Variants in LIPC observed in about 807,000 individuals in gnomAD.
LIPC encodes the protein hepatic triacylglycerol lipase.
Under a neutral mutation model 50.7 loss-of-function variants are expected in LIPC, and 44 were observed. The observed-to-expected ratio is 0.87, with a 90% CI of 0.68 to 1.11. The LOEUF is 1.11. LIPC is among the 50% of genes most tolerant of loss of function. The pLI is 0.00. For synonymous variants in LIPC, 271 were observed against 256.4 expected (o/e 1.06, Z -0.54); for missense variants, 697 against 648.2 (o/e 1.08, Z -0.82).
intron 1 of LIPC, among the ~76,000 whole-genome samples, chr15:58,529,301 C>T (rs41292496): frequency 0.037 from 5,588 of 152,278 alleles, 353 homozygotes; most frequent in African/African-American, 0.13. Flanking sequence ...CCTCCCTGGC[C>T]TAACCGTGGT....
At chr15:58,553,706 C>T (rs1423243439) in intron 6 of LIPC, among the ~76,000 whole-genome samples, 3 of 152,164 alleles carry the variant, frequency 2.0e-5, no homozygotes, top group Admixed American at 6.5e-5. Context: ...ACGAAAATAC[C>T]GACACATACA....
chr15:58,469,530 A>G (rs1431622289), intron 1 of LIPC, among the ~76,000 whole-genome samples: 3 of 152,176 alleles, frequency 2.0e-5, no homozygotes, highest in African/African-American at 7.2e-5. Flanking sequence ...CAGCTTCCCA[A>G]AAACAGGCCA....
intron 2 of LIPC, 147 bp from the exon 3 acceptor site, chr15:58,541,638 A>C: frequency 3.7e-6 from 3 of 815,410 alleles, no homozygotes; most frequent in Non-Finnish European, 6.1e-6. Flanking sequence ...CACAACAAGG[A>C]ATTCTCTGGC....
At chr15:58,465,906 A>C (rs1382155684) in intron 1 of LIPC, among the ~76,000 whole-genome samples, 1 of 152,212 alleles carries the variant, frequency 6.6e-6, no homozygotes, top group Non-Finnish European at 1.5e-5. Context: ...TACCGTTTCT[A>C]ATTAATACAG....
intron 5 of LIPC, among the ~76,000 whole-genome samples, chr15:58,547,076 T>C (rs1205971443): frequency 1.3e-5 from 2 of 152,158 alleles, no homozygotes; most frequent in Non-Finnish European, 2.9e-5. Flanking sequence ...TTTATTTTCC[T>C]GGTAAACACA....
rs140620731 is a variant in LIPC at position 58,450,201 on chromosome 15, G to T, written c.88+18081G>T. ...CGTTTCTGAGCGTGGTGTGGAAACT[G>T]AGTCAGGAGCTAAATCAGTTAGGTC... On this transcript the variant is annotated intron_variant, in intron 1 of 8. Coordinates refer to ENST00000299022, the MANE Select transcript of LIPC (RefSeq NM_000236.3). Among the ~76,000 whole-genome samples, 27 of 152,330 alleles carry T rather than the reference G, an allele frequency of 1.8e-4. No homozygotes were observed. The East Asian group carries it at 4.2e-3, about 24-fold the overall frequency.
intron 1 of LIPC, among the ~76,000 whole-genome samples, chr15:58,503,409 G>C (rs1345803040): frequency 6.6e-6 from 1 of 152,182 alleles, no homozygotes; most frequent in Non-Finnish European, 1.5e-5. Flanking sequence ...TTTGTGAAAG[G>C]CTTTAGGGGC....
chr15:58,501,260 T>C (rs1200478677), intron 1 of LIPC, among the ~76,000 whole-genome samples: 1 of 151,922 alleles, frequency 6.6e-6, no homozygotes, highest in Non-Finnish European at 1.5e-5. Context: ...AGACTCTTTC[T>C]GGGAGGGATT....
intron 1 of LIPC, among the ~76,000 whole-genome samples, chr15:58,488,771 G>A (rs1247157272): frequency 2.0e-5 from 3 of 152,078 alleles, no homozygotes; most frequent in African/African-American, 7.2e-5. Flanking sequence ...TCTTCCCCTT[G>A]GTATTTCCCT....
intron 1 of LIPC, among the ~76,000 whole-genome samples, chr15:58,497,229 C>A (rs534114335): frequency 6.6e-6 from 1 of 152,132 alleles, no homozygotes; most frequent in Admixed American, 6.6e-5. Context: ...GCTTCACCCC[C>A]GACCGAATGA....
At chr15:58,475,308 G>T (rs1172867590) in intron 1 of LIPC, among the ~76,000 whole-genome samples, 1 of 152,120 alleles carries the variant, frequency 6.6e-6, no homozygotes, top group Non-Finnish European at 1.5e-5. Flanking sequence ...AGAGGCAAAG[G>T]TAATCATGTT....
chr15:58,526,605 A>G (rs545806157), intron 1 of LIPC, among the ~76,000 whole-genome samples: 43 of 152,362 alleles, frequency 2.8e-4, no homozygotes, highest in African/African-American at 1.0e-3. Context: ...CAGCTAAGGC[A>G]GTGTGCTACC....
At chr15:58,564,051 G>GTGC (rs1262705071) in intron 8 of LIPC, 20 of 407,316 alleles carry the variant, frequency 4.9e-5, no homozygotes, top group Non-Finnish European at 8.8e-5. Flanking sequence ...GGTGATGTCA[G>GTGC]TGCTGCCAGT....
rs529789946 is a variant in LIPC at position 58,444,905 on chromosome 15, T to C, written c.88+12785T>C. ...AGTGGAAACTGCAAATCTCTCTTTGTTCTATTTGAGCTTCAGCAACTCTCC... is the reference window on the plus strand; with the variant it reads ...AGTGGAAACTGCAAATCTCTCTTTGCTCTATTTGAGCTTCAGCAACTCTCC... On this transcript the variant is annotated intron_variant, in intron 1 of 8. Coordinates refer to ENST00000299022, the MANE Select transcript of LIPC (RefSeq NM_000236.3). Among the ~76,000 whole-genome samples, 4 of 152,364 alleles carry C rather than the reference T, an allele frequency of 2.6e-5. No individual in the cohort carries two copies. In the East Asian group the frequency reaches 5.8e-4, roughly 22 times the overall value.
rs3829462 is a variant in LIPC at position 58,560,880 on chromosome 15, C to A, written c.1068C>A (p.Phe356Leu). 1,186,931 of 1,222,610 alleles carry A rather than the reference C, an allele frequency of 0.97. 576,991 individuals carry two copies. The highest frequency in any genetic ancestry group is 0.99 in the Admixed American group (58,821 of 59,566). 75.7% of individuals were successfully genotyped at this position (1,222,610 alleles called of 1,614,324 possible). The stretch of plus-strand genomic sequence containing the variant: ...TCTCTCTAGTTTATCATTACCAGTT[C>A]AAGATCCAGTTCATCAACCAAACTG... ...QSPFKVYHYQ[F>L]KIQFINQTET... The change falls in exon 7 of 9, where the codon TTC (phenylalanine) becomes TTA (leucine). Residue 356 changes from phenylalanine to leucine, a missense_variant. Phe to Leu is a conservative substitution (Grantham distance 22). Transcript: ENST00000299022.
intron 1 of LIPC, among the ~76,000 whole-genome samples, chr15:58,489,811 T>C (rs577524600): frequency 2.0e-5 from 3 of 152,164 alleles, no homozygotes; most frequent in Admixed American, 1.3e-4. Flanking sequence ...GTGGTTGAGT[T>C]TGGGGAGTGG....
intron 1 of LIPC, among the ~76,000 whole-genome samples, chr15:58,470,657 T>C (rs1306416931): frequency 6.6e-6 from 1 of 150,766 alleles, no homozygotes; most frequent in Non-Finnish European, 1.5e-5. Context: ...TGGAGTTCTG[T>C]GGCGAGATCT....
At chr15:58,465,769 A>C (rs1191876406) in intron 1 of LIPC, among the ~76,000 whole-genome samples, 3 of 152,198 alleles carry the variant, frequency 2.0e-5, no homozygotes, top group African/African-American at 7.2e-5. Flanking sequence ...GAGGGCAGTC[A>C]TCACCGGTCC....
Position 58,548,586 on chromosome 15 carries a change from T to C in LIPC, c.1051+14T>C, listed in dbSNP as rs1449186173. The C allele has an allele frequency of 3.2e-6, 5 of 1,584,142 alleles. No homozygotes were observed. In the African/African-American group the frequency reaches 6.7e-5, roughly 21 times the overall value. On this transcript the variant is annotated intron_variant, in intron 6 of 8. Coordinates refer to ENST00000299022, the MANE Select transcript of LIPC (RefSeq NM_000236.3). ...CCCCCTTCAAAGGTGAGTGTGGAGC[T>C]GGGGAGCCTTCAGAAGGGCAGGATG...
Sources: allele counts gnomAD v4.1 joint callset (sites outside exome capture counted in the v4.1 genomes callset), GRCh38; gene constraint gnomAD v4.1.1; transcripts MANE v1.5; gene names NCBI Gene and HGNC (gene_info 2026-07-23, HGNC 2026-07-21).